TENM4: variants seen among roughly 807,000 people sequenced by gnomAD.
The protein encoded by TENM4 is teneurin-4.
In TENM4, 82 loss-of-function variants were observed where a neutral mutation model predicts 243.3. The ratio of observed to expected loss-of-function variants is 0.34; its 90% confidence interval spans 0.28 to 0.40. TENM4 has a LOEUF of 0.40. Among genes scored for constraint, TENM4 ranks in the 10% least tolerant of loss-of-function variants. The probability of loss-of-function intolerance (pLI) is 1.00; values close to 1 mark genes in which losing one functional copy is unlikely to be tolerated. For synonymous variants in TENM4, 1,412 were observed against 1,456.3 expected, an observed-to-expected ratio of 0.97 and a Z score of 0.69; for missense variants, 3,138 against 3,673.3, an observed-to-expected ratio of 0.85 and a Z score of 3.77.
At chr11:79,083,489 A>C (rs1860728806) in intron 4 of TENM4, among the ~76,000 whole-genome samples, 2 of 152,242 alleles carry the variant, frequency 1.3e-5, no homozygotes, top group South Asian at 4.1e-4. Flanking sequence ...TGAGGGATAC[A>C]GTTGCCCAAG....
rs1482327826 is a variant in TENM4 at position 79,440,040 on chromosome 11, C to T, written c.-321+469G>A. On this transcript the variant is annotated intron_variant, in intron 1 of 33. Coordinates refer to ENST00000278550, the MANE Select transcript of TENM4 (RefSeq NM_001098816.3). This position sits in a 1 kb window ranked among gnomAD's most constrained non-coding sequence, Gnocchi z 4.7. ...GCGGGGCTGCTGCAGCCGGCACTTG[C>T]CCCGCAGGGCAGGCTGCAGCCGCTG... Among the ~76,000 whole-genome samples, 1 of 152,114 alleles carries T rather than the reference C, an allele frequency of 6.6e-6. No homozygotes were observed. The highest frequency in any genetic ancestry group is 6.5e-5 in the Admixed American group (1 of 15,290).
intron 6 of TENM4, among the ~76,000 whole-genome samples, chr11:79,063,398 G>A (rs1413586321): frequency 6.6e-6 from 1 of 152,190 alleles, no homozygotes; most frequent in Non-Finnish European, 1.5e-5. Context: ...ACCAGGCTAG[G>A]TGCTTCCTAT....
intron 9 of TENM4, among the ~76,000 whole-genome samples, chr11:78,881,895 A>G (rs772154257): frequency 9.9e-5 from 15 of 152,234 alleles, no homozygotes; most frequent in Non-Finnish European, 2.1e-4. Context: ...GTGGCCTGTT[A>G]TAATGAGAAC....
chr11:78,966,641 G>A (rs1476096332), intron 6 of TENM4, among the ~76,000 whole-genome samples: 2 of 152,188 alleles, frequency 1.3e-5, no homozygotes, highest in African/African-American at 2.4e-5. Flanking sequence ...TGGAGGAACT[G>A]AGAAACGCTT....
intron 1 of TENM4, among the ~76,000 whole-genome samples, chr11:79,380,749 A>G (rs1011388215): frequency 3.3e-5 from 5 of 152,334 alleles, no homozygotes; most frequent in South Asian, 2.1e-4. Flanking sequence ...ATTTTGGGAA[A>G]TGTTCATCAA....
chr11:79,092,605 C>G (rs1860985630), intron 4 of TENM4, among the ~76,000 whole-genome samples: 1 of 152,222 alleles, frequency 6.6e-6, no homozygotes, highest in Admixed American at 6.5e-5. Context: ...GTTCATGCTG[C>G]TTATTTTAAC....
intron 4 of TENM4, among the ~76,000 whole-genome samples, chr11:79,072,084 T>C (rs747685951): frequency 2.0e-5 from 3 of 152,168 alleles, no homozygotes; most frequent in Non-Finnish European, 4.4e-5. Flanking sequence ...GCTGGCAAGA[T>C]GATAGTCCTC....
intron 6 of TENM4, among the ~76,000 whole-genome samples, chr11:78,990,635 C>T (rs1353034703): frequency 6.6e-6 from 1 of 152,046 alleles, no homozygotes; most frequent in Non-Finnish European, 1.5e-5. Context: ...GAAAGGAGTA[C>T]ACAAACACAC....
intron 2 of TENM4, among the ~76,000 whole-genome samples, chr11:79,268,804 A>G (rs1374940936): frequency 6.6e-6 from 1 of 152,152 alleles, no homozygotes; most frequent in Non-Finnish European, 1.5e-5. Flanking sequence ...TGGTGATTTC[A>G]TTGCTTGAAA....
At chr11:79,290,462 C>T (rs1055707172) in intron 2 of TENM4, among the ~76,000 whole-genome samples, 4 of 152,160 alleles carry the variant, frequency 2.6e-5, no homozygotes, top group African/African-American at 4.8e-5. Flanking sequence ...TTTTGGCATC[C>T]GATCAATCCA....
chr11:79,376,715 G>C (rs1242132860), intron 1 of TENM4, among the ~76,000 whole-genome samples: 1 of 152,172 alleles, frequency 6.6e-6, no homozygotes, highest in Non-Finnish European at 1.5e-5. Context: ...CCCTCCCCCA[G>C]GACAAGAATG....
At chr11:79,427,953 C>A (rs898249876) in intron 1 of TENM4, among the ~76,000 whole-genome samples, 7 of 152,206 alleles carry the variant, frequency 4.6e-5, no homozygotes, top group Non-Finnish European at 7.3e-5. Context: ...ACAATACTGA[C>A]AAACGGTTGC....
intron 6 of TENM4, among the ~76,000 whole-genome samples, chr11:78,951,373 T>C (rs559792648): frequency 6.6e-6 from 1 of 152,278 alleles, no homozygotes; most frequent in East Asian, 1.9e-4. Context: ...AAATAAACAC[T>C]TCCAGACCCC....
At chr11:78,959,581 C>G (rs1156792632) in intron 6 of TENM4, among the ~76,000 whole-genome samples, 1 of 152,114 alleles carries the variant, frequency 6.6e-6, no homozygotes, top group Non-Finnish European at 1.5e-5. Context: ...CCCAGAGGAA[C>G]AGACCAGTAA....
intron 29 of TENM4, among the ~76,000 whole-genome samples, chr11:78,687,846 G>A (rs1389738163): frequency 1.3e-5 from 2 of 152,160 alleles, no homozygotes; most frequent in Non-Finnish European, 2.9e-5. Flanking sequence ...AACAGGATAG[G>A]ACAATAAAAT....
chr11:78,671,658 A>G (rs138273901), intron 31 of TENM4, among the ~76,000 whole-genome samples: 1 of 152,290 alleles, frequency 6.6e-6, no homozygotes, highest in Non-Finnish European at 1.5e-5. Flanking sequence ...CCTCCTGCCT[A>G]TGTACTGATG....
In TENM4 at chr11:78,870,946, G is replaced by A. The variant is rs191001034; in HGVS notation, c.1085-7814C>T. ...AGAATAAGAAAGCTGTGTTTTCTGG[G>A]CACCTTTCCCCGGGTGGGCTCTACT... On this transcript the variant is annotated intron_variant, in intron 9 of 33. Transcript: ENST00000278550. 2.0e-5 allele frequency among the ~76,000 whole-genome samples: 3 copies of A among 152,286 alleles called. No homozygotes were observed. In the East Asian group the frequency reaches 5.8e-4, roughly 29 times the overall value.
intron 1 of TENM4, chr11:79,439,141 C>T (rs186654144): frequency 1.4e-5 from 2 of 147,368 alleles, no homozygotes; most frequent in Non-Finnish European, 3.0e-5. Context: ...CCCCCCACCC[C>T]GGCGATTGGA....
At chr11:78,914,963 G>C (rs1229431868) in intron 6 of TENM4, among the ~76,000 whole-genome samples, 1 of 152,150 alleles carries the variant, frequency 6.6e-6, no homozygotes, top group Non-Finnish European at 1.5e-5. Context: ...TCCCTAAAAG[G>C]AAACTGGGTT....
Sources: allele counts gnomAD v4.1 joint callset (sites outside exome capture counted in the v4.1 genomes callset), GRCh38; gene constraint gnomAD v4.1.1; non-coding constraint Gnocchi (gnomAD v3.1); transcripts MANE v1.5; gene names NCBI Gene and HGNC (gene_info 2026-07-23, HGNC 2026-07-21).